The following RAB28 variants were observed in gnomAD, a reference collection of about 807,000 sequenced individuals.
RAB28 encodes the protein RAB28, member RAS oncogene family.
In RAB28, 24 loss-of-function variants were observed where a neutral mutation model predicts 31.7. That is an observed-to-expected ratio of 0.76 (90% CI 0.55 to 1.06). RAB28 has a LOEUF of 1.06. Ranked by LOEUF, RAB28 falls within the 50% of genes least tolerant of loss-of-function variation. The pLI is 0.00. For missense variants in RAB28, 254 were observed against 258.5 expected (o/e 0.98, Z 0.12); for synonymous variants, 100 against 90.4 (o/e 1.11, Z -0.60).
At chr4:13,418,281 T>C (rs960636652) in intron 4 of RAB28, among the ~76,000 whole-genome samples, 1 of 152,146 alleles carries the variant, frequency 6.6e-6, no homozygotes, top group Non-Finnish European at 1.5e-5. Context: ...ATTTGATTGG[T>C]GTACCTGAAA....
At chr4:13,400,453 T>A (rs1262532594) in intron 4 of RAB28, among the ~76,000 whole-genome samples, 1 of 152,224 alleles carries the variant, frequency 6.6e-6, no homozygotes, top group African/African-American at 2.4e-5. Context: ...CTTTGTATCC[T>A]TGAAAATGGT....
Position 13,427,182 on chromosome 4 carries a change from G to T in RAB28, c.391+33517C>A, listed in dbSNP as rs1263426681. ...ATTAAAACAGCTACCCCAAAAGGTG[G>T]GTAGGTGAAATCTATATTGTATTTG... On this transcript the variant is annotated intron_variant, in intron 4 of 6. Transcript: ENST00000330852. 2.0e-5 allele frequency among the ~76,000 whole-genome samples: 3 copies of T among 152,116 alleles called. No homozygotes were observed. In the South Asian group the frequency reaches 6.2e-4, roughly 32 times the overall value.
intron 4 of RAB28, among the ~76,000 whole-genome samples, chr4:13,431,205 T>A (rs1417221505): frequency 6.6e-6 from 1 of 152,178 alleles, no homozygotes; most frequent in African/African-American, 2.4e-5. Context: ...CTCTGCCTCC[T>A]CAGCCCCATT....
chr4:13,385,991 C>G (rs1325770390), intron 4 of RAB28, among the ~76,000 whole-genome samples: 1 of 151,982 alleles, frequency 6.6e-6, no homozygotes, highest in South Asian at 2.1e-4. Context: ...AAAGCACAGA[C>G]AACAAAACCA....
At chr4:13,469,608 C>T (rs73817409) in intron 3 of RAB28, among the ~76,000 whole-genome samples, 9,215 of 152,006 alleles carry the variant, frequency 0.061, 652 homozygotes, top group African/African-American at 0.17. Flanking sequence ...TATAGTACTT[C>T]GTTTTCATCT....
Position 13,484,296 on chromosome 4 carries a change from G to C in RAB28, c.-146C>G, listed in dbSNP as rs1052773996. The C allele has an allele frequency of 3.5e-5, 23 of 649,284 alleles. No individual in the cohort carries two copies. The African/African-American group carries it at 3.8e-4, about 11-fold the overall frequency. 40.2% of individuals were successfully genotyped at this position (649,284 alleles called of 1,614,324 possible). A position where few individuals can be genotyped will look rare whatever the true frequency, so the allele number is the denominator to read the frequency against. Reference sequence around the variant, plus strand: ...CGCGCCGGCAGGAGGTATTCGAGGAGAATCACTCGGCAAGCGCCATCTTGC... The same window carrying C: ...CGCGCCGGCAGGAGGTATTCGAGGACAATCACTCGGCAAGCGCCATCTTGC... On this transcript the variant is annotated 5_prime_UTR_variant, in exon 1 of 7. Coordinates refer to ENST00000330852, the MANE Select transcript of RAB28 (RefSeq NM_001017979.3).
intron 4 of RAB28, among the ~76,000 whole-genome samples, chr4:13,409,517 C>T (rs1423655128): frequency 6.6e-6 from 1 of 152,182 alleles, no homozygotes; most frequent in African/African-American, 2.4e-5. Flanking sequence ...GAGAGCTGCA[C>T]AAGCAGTGCA....
chr4:13,419,797 C>G (rs551706718), intron 4 of RAB28, among the ~76,000 whole-genome samples: 3 of 152,200 alleles, frequency 2.0e-5, no homozygotes, highest in East Asian at 3.9e-4. Context: ...CAAGAGAAAG[C>G]AGGAAAGATC....
At chr4:13,482,147 G>T (rs1716633776) in intron 1 of RAB28, among the ~76,000 whole-genome samples, 1 of 152,016 alleles carries the variant, frequency 6.6e-6, no homozygotes, top group Admixed American at 6.6e-5. Flanking sequence ...CTTTGAAGCA[G>T]AATGATAATA....
chr4:13,450,941 T>C (rs1253692331), intron 4 of RAB28, among the ~76,000 whole-genome samples: 2 of 151,864 alleles, frequency 1.3e-5, no homozygotes, highest in African/African-American at 4.8e-5. Context: ...GTCTGAGTAG[T>C]AGGTAAGAGC....
At chr4:13,370,809 C>A (rs1360959369) in intron 6 of RAB28, 1 of 973,566 alleles carries the variant, frequency 1.0e-6, no homozygotes, top group Admixed American at 6.2e-5. Context: ...TATTTAAGTA[C>A]AATAACTGTT....
intron 3 of RAB28, among the ~76,000 whole-genome samples, 159 bp from the exon 4 acceptor site, chr4:13,460,987 T>C (rs762859474): frequency 1.2e-4 from 18 of 152,236 alleles, no homozygotes; most frequent in African/African-American, 2.4e-4. Flanking sequence ...TACTAGCAGA[T>C]TGATAATACT....
At chr4:13,378,301 T>C (rs1729000182) in intron 5 of RAB28, among the ~76,000 whole-genome samples, 1 of 152,102 alleles carries the variant, frequency 6.6e-6, no homozygotes, top group Non-Finnish European at 1.5e-5. Context: ...TGATCAGCAA[T>C]TATTTATGTT....
At chr4:13,381,081 T>C (rs1459594411) in intron 5 of RAB28, among the ~76,000 whole-genome samples, 1 of 152,064 alleles carries the variant, frequency 6.6e-6, no homozygotes, top group Non-Finnish European at 1.5e-5. Flanking sequence ...CATTACATAA[T>C]TTCTCTAAGA....
At chr4:13,447,396 C>A (rs769041489) in intron 4 of RAB28, among the ~76,000 whole-genome samples, 2 of 152,052 alleles carry the variant, frequency 1.3e-5, no homozygotes, top group Non-Finnish European at 2.9e-5. Flanking sequence ...AGAGCCCTGC[C>A]TGCGCCTTAG....
At chr4:13,396,864 G>A (rs999114840) in intron 4 of RAB28, among the ~76,000 whole-genome samples, 3 of 151,972 alleles carry the variant, frequency 2.0e-5, no homozygotes, top group Non-Finnish European at 4.4e-5. Context: ...CCTTTTAAAC[G>A]TTTCATGAGG....
chr4:13,429,211 T>A (rs1713675302), intron 4 of RAB28, among the ~76,000 whole-genome samples: 2 of 152,094 alleles, frequency 1.3e-5, no homozygotes, highest in African/African-American at 4.8e-5. Flanking sequence ...CCTCCCAAAG[T>A]GCTGGGATTA....
At chr4:13,384,082 C>T (rs768027822) in intron 4 of RAB28, among the ~76,000 whole-genome samples, 2 of 152,178 alleles carry the variant, frequency 1.3e-5, no homozygotes, top group South Asian at 2.1e-4. Context: ...GCCAACCCCA[C>T]CACCTCCAGA....
chr4:13,417,412 C>G (rs1712845779), intron 4 of RAB28, among the ~76,000 whole-genome samples: 1 of 152,216 alleles, frequency 6.6e-6, no homozygotes, highest in Non-Finnish European at 1.5e-5. Flanking sequence ...AGGGTTTGAG[C>G]TCTGAAAATG....
Sources: gnomAD v4.1 joint callset for allele counts (sites outside exome capture counted in the v4.1 genomes callset) on GRCh38, gnomAD v4.1.1 for gene constraint, MANE v1.5 for transcripts, NCBI Gene and HGNC (gene_info 2026-07-23, HGNC 2026-07-21) for gene names.